Variants in PPP1R12A observed in about 807,000 individuals in gnomAD.
PPP1R12A encodes myosin binding subunit.
A neutral mutation model predicts 139.6 loss-of-function variants in PPP1R12A; 19 were observed. The observed-to-expected ratio is 0.14, with a 90% CI of 0.09 to 0.20. The LOEUF (loss-of-function observed/expected upper bound fraction) is 0.20, where lower values mean the gene tolerates loss of function less well. Ranked by LOEUF, PPP1R12A falls within the 10% of genes least tolerant of loss-of-function variation. PPP1R12A has a pLI of 1.00. For synonymous variants in PPP1R12A, 427 were observed against 420.6 expected, an observed-to-expected ratio of 1.02 and a Z score of -0.19; for missense variants, 925 against 1,211.5, an observed-to-expected ratio of 0.76 and a Z score of 3.51.
intron 1 of PPP1R12A, among the ~76,000 whole-genome samples, chr12:79,915,171 TG>T (rs1474975823): frequency 1.3e-5 from 2 of 152,156 alleles, no homozygotes; most frequent in African/African-American, 4.8e-5. Context: ...ATTGAGTTGA[TG>T]GAGTTCTGGG....
intron 1 of PPP1R12A, among the ~76,000 whole-genome samples, chr12:79,926,534 G>T (rs974780158): frequency 1.3e-5 from 2 of 152,134 alleles, no homozygotes; most frequent in African/African-American, 4.8e-5. Flanking sequence ...CCTTTACATT[G>T]TAAGTATTAT....
intron 1 of PPP1R12A, among the ~76,000 whole-genome samples, chr12:79,917,785 T>A (rs1394273956): frequency 2.6e-5 from 4 of 152,190 alleles, no homozygotes; most frequent in Non-Finnish European, 5.9e-5. Flanking sequence ...TTTACCTTTA[T>A]TTTCCCTGAA....
chr12:79,835,678 G>A (rs1877986226), intron 3 of PPP1R12A, among the ~76,000 whole-genome samples: 1 of 152,130 alleles, frequency 6.6e-6, no homozygotes, highest in African/African-American at 2.4e-5. Flanking sequence ...TATAAAATTT[G>A]TCAATGGCTG....
chr12:79,781,824 C>A lies in PPP1R12A; in HGVS notation c.2946G>T (p.Met982Ile). The A allele has an allele frequency of 6.5e-7, 1 of 1,529,036 alleles. No homozygotes were observed. The highest frequency in any genetic ancestry group is 1.3e-5 in the South Asian group (1 of 79,834). 94.7% of individuals were successfully genotyped at this position (1,529,036 alleles called of 1,614,324 possible). A position where few individuals can be genotyped will look rare whatever the true frequency, so the allele number is the denominator to read the frequency against. ...TAAGTGGGACACTTACCCTTTTTTC[C>A]ATTTCCAACAGTGATCTATCAGCAA... ...ERFADRSLLE[M>I]EKRERRALER... Residue 982 changes from methionine to isoleucine, a missense_variant, in exon 23 of 25, where the codon ATG (methionine) becomes ATT (isoleucine). Physicochemically the swap from Met to Ile is conservative, Grantham distance 10. Around this residue, in one of 4 missense-constraint regions of PPP1R12A, gnomAD observed 315 missense variants for 363.4 expected, o/e 0.87. Coordinates refer to ENST00000450142, the MANE Select transcript of PPP1R12A (RefSeq NM_002480.3).
chr12:79,777,962 GC>G (rs1565733030), intron 24 of PPP1R12A, among the ~76,000 whole-genome samples: 1 of 152,110 alleles, frequency 6.6e-6, no homozygotes, highest in Non-Finnish European at 1.5e-5. Flanking sequence ...TACTTACTAT[GC>G]ACTGGTTCAT....
At chr12:79,825,561 C>T (rs897913286) in intron 5 of PPP1R12A, 4 of 151,712 alleles carry the variant, frequency 2.6e-5, no homozygotes, top group Non-Finnish European at 4.4e-5. Flanking sequence ...GACCATTTCT[C>T]CCACTTCCAT....
intron 8 of PPP1R12A, chr12:79,818,701 T>C (rs1054364362): frequency 1.4e-4 from 22 of 152,358 alleles, no homozygotes; most frequent in African/African-American, 5.3e-4. Context: ...CATTTGTAAA[T>C]TGTTTGAAAG....
chr12:79,802,804 T>C (rs1013880897), intron 14 of PPP1R12A, among the ~76,000 whole-genome samples: 89 of 152,070 alleles, frequency 5.9e-4, no homozygotes, highest in African/African-American at 1.9e-3. Flanking sequence ...GCAAGACAGA[T>C]AGGGTGCATG....
At chr12:79,838,879 C>T (rs1878388733) in intron 3 of PPP1R12A, among the ~76,000 whole-genome samples, 1 of 152,174 alleles carries the variant, frequency 6.6e-6, no homozygotes, top group Non-Finnish European at 1.5e-5. Context: ...AGGTCAGAGA[C>T]CCCACACAGA....
Position 79,774,483 on chromosome 12 carries a change from A to G in PPP1R12A, c.*1446T>C, listed in dbSNP as rs1047477199. The G allele has an allele frequency of 6.6e-6, 1 of 152,606 alleles. No homozygotes were observed. The highest frequency in any genetic ancestry group is 1.5e-5 in the Non-Finnish European group (1 of 67,988). The allele number at this position is 152,606 out of a possible 1,614,324, so 9.5% of individuals were successfully genotyped here. On this transcript the variant is annotated 3_prime_UTR_variant, in exon 25 of 25. Transcript: ENST00000450142. ...CTATAAGCTTTACAATGTACAATTT[A>G]TTCAAATGGCTGAACTGTTCAGTGG...
At chr12:79,790,071 C>T (rs908538859) in intron 20 of PPP1R12A, among the ~76,000 whole-genome samples, 1 of 151,872 alleles carries the variant, frequency 6.6e-6, no homozygotes, top group African/African-American at 2.4e-5. Flanking sequence ...AAGGGTTGAG[C>T]TAGATGACAC....
intron 21 of PPP1R12A, chr12:79,786,780 C>CA: frequency 5.2e-6 from 1 of 192,076 alleles, no homozygotes; most frequent in Non-Finnish European, 1.1e-5. Context: ...CACATACCTG[C>CA]ACAGCAACTG....
At chr12:79,779,885 A>G (rs908507902) in intron 23 of PPP1R12A, 24 of 156,194 alleles carry the variant, frequency 1.5e-4, no homozygotes, top group African/African-American at 5.8e-4. Flanking sequence ...GAAATTTCTT[A>G]TGTTTGACAA....
chr12:79,828,552 C>T lies in PPP1R12A; in HGVS notation c.648-88G>A, dbSNP rs560120742. The T allele has an allele frequency of 1.1e-5, 11 of 983,550 alleles. No homozygotes were observed. In the African/African-American group the frequency reaches 1.5e-4, roughly 13 times the overall value. The allele number at this position is 983,550 out of a possible 1,614,324, so 60.9% of individuals were successfully genotyped here. A position where few individuals can be genotyped will look rare whatever the true frequency, so the allele number is the denominator to read the frequency against. ...AGCTATCTATCATGCAATTTAACTA[C>T]AATTTTCAATTAATTTCTTTTCAGA... is the stretch of plus-strand genomic sequence containing the variant. On this transcript the variant is annotated intron_variant, in intron 4 of 24. Coordinates refer to ENST00000450142, the MANE Select transcript of PPP1R12A (RefSeq NM_002480.3).
chr12:79,809,153 T>C (rs1874215767), intron 10 of PPP1R12A, among the ~76,000 whole-genome samples: 2 of 152,048 alleles, frequency 1.3e-5, no homozygotes, highest in South Asian at 4.1e-4. Flanking sequence ...AGCAAAAATA[T>C]TAGAATTACT....
intron 1 of PPP1R12A, among the ~76,000 whole-genome samples, chr12:79,925,860 T>G (rs1427113502): frequency 6.6e-6 from 1 of 152,224 alleles, no homozygotes; most frequent in East Asian, 1.9e-4. Flanking sequence ...AAAGTATCAG[T>G]AAAATAACAG....
At chr12:79,792,195 T>C (rs1871961797) in intron 19 of PPP1R12A, among the ~76,000 whole-genome samples, 3 of 152,176 alleles carry the variant, frequency 2.0e-5, no homozygotes, top group African/African-American at 4.8e-5. Flanking sequence ...TGCACATACA[T>C]TGCACCTTAT....
rs1221354781 is a variant in PPP1R12A, at chr12:79,934,946, C to T, written c.-15G>A. 6.4e-7 allele frequency: 1 copy of T among 1,573,174 alleles called. No homozygotes were observed. Among genetic ancestry groups the T allele is most frequent in the African/African-American group, 1.4e-5 (1 of 74,038 alleles). ...GCCATCTTCATCCCCTCTCCTGCCG[C>T]CGGGTCTTCTTATCGCGAGGGGGGG... is the stretch of plus-strand genomic sequence containing the variant. On this transcript the variant is annotated 5_prime_UTR_variant, in exon 1 of 25. Coordinates refer to ENST00000450142, the MANE Select transcript of PPP1R12A (RefSeq NM_002480.3).
intron 1 of PPP1R12A, among the ~76,000 whole-genome samples, chr12:79,891,220 G>A (rs767813001): frequency 6.6e-5 from 10 of 151,902 alleles, no homozygotes; most frequent in Non-Finnish European, 1.2e-4. Context: ...TGGATCCTGG[G>A]GATGATGAAG....
Sources: gnomAD v4.1 joint callset for allele counts (sites outside exome capture counted in the v4.1 genomes callset) on GRCh38, gnomAD v4.1.1 for gene constraint, gnomAD v4.1.1 regional missense constraint, MANE v1.5 for transcripts, NCBI Gene and HGNC (gene_info 2026-07-23, HGNC 2026-07-21) for gene names.